The following KLHL2 variants were observed in gnomAD, a reference collection of about 807,000 sequenced individuals.
KLHL2 encodes the protein kelch-like protein 2.
In KLHL2, 15 loss-of-function variants were observed where a neutral mutation model predicts 75.8. The ratio of observed to expected loss-of-function variants is 0.20; its 90% CI spans 0.13 to 0.30. The LOEUF (loss-of-function observed/expected upper bound fraction) is 0.30. Ranked by LOEUF, KLHL2 falls within the 10% of genes least tolerant of loss-of-function variation. The pLI is 1.00. For synonymous variants in KLHL2, 214 were observed against 251.9 expected (o/e 0.85, Z 1.42); for missense variants, 381 against 741.0 (o/e 0.51, Z 5.64).
At chr4:165,308,732 A>G (rs765548036) in intron 9 of KLHL2, among the ~76,000 whole-genome samples, 3 of 152,234 alleles carry the variant, frequency 2.0e-5, no homozygotes, top group Non-Finnish European at 4.4e-5. Flanking sequence ...GCAATGGGCA[A>G]GATTCCCACA....
intron 9 of KLHL2, among the ~76,000 whole-genome samples, chr4:165,306,164 A>G (rs1018290257): frequency 2.0e-5 from 3 of 152,256 alleles, no homozygotes; most frequent in African/African-American, 2.4e-5. Flanking sequence ...AGCTGTGATC[A>G]AAAGAAGCAG....
In KLHL2 at chr4:165,311,472, T is replaced by A; in HGVS notation, c.1246T>A (p.Ser416Thr). 1 of 1,609,670 alleles carries A rather than the reference T, an allele frequency of 6.2e-7. No homozygotes were observed. Among genetic ancestry groups the A allele is most frequent in the Non-Finnish European group, 8.5e-7 (1 of 1,176,706 alleles). Residue 416 changes from serine (S) to threonine (T), a missense_variant, in exon 11 of 15, where the codon TCT becomes ACT. Coordinates refer to ENST00000226725, the MANE Select transcript of KLHL2 (RefSeq NM_007246.4). ...GGFDGSTGLS[S>T]VEAYNIKSNE... ...ATTGTGCTTTATTATAGGTTTGTCA[T>A]CTGTGGAAGCATACAACATAAAGTC...
At chr4:165,290,686 A>G (rs1744442833) in intron 5 of KLHL2, among the ~76,000 whole-genome samples, 1 of 152,188 alleles carries the variant, frequency 6.6e-6, no homozygotes, top group Non-Finnish European at 1.5e-5. Flanking sequence ...TCTATAATCC[A>G]GCTGGGTGTG....
Position 165,207,795 on chromosome 4 carries a change from C to A in KLHL2, c.-82C>A. The stretch of plus-strand genomic sequence containing the variant: ...GGCGGATGGAACGCGGCTCGGCGGG[C>A]GGGCAGTGCCGGCGTCCGCGGCTGG... On this transcript the variant is annotated 5_prime_UTR_variant, in exon 1 of 15. Transcript: ENST00000226725. The surrounding 1 kb of genome is among the most constrained non-coding windows in gnomAD (Gnocchi z 4.2). 1.6e-6 allele frequency: 2 copies of A among 1,242,898 alleles called. No homozygotes were observed. The highest frequency in any genetic ancestry group is 1.1e-6 in the Non-Finnish European group (1 of 932,414). The allele number at this position is 1,242,898 out of a possible 1,614,324, so 77.0% of individuals were successfully genotyped here.
At chr4:165,310,781 T>C in intron 10 of KLHL2, 31 bp downstream of exon 10, 2 of 1,532,352 alleles carry the variant, frequency 1.3e-6, no homozygotes, top group Non-Finnish European at 1.8e-6. Context: ...TCTACATTGC[T>C]GCTAAAATTA....
At chr4:165,312,421 A>ATT (rs1201686000) in intron 11 of KLHL2, among the ~76,000 whole-genome samples, 7 of 118,638 alleles carry the variant, frequency 5.9e-5, no homozygotes, top group Admixed American at 1.5e-4. Flanking sequence ...AAGTATTATT[A>ATT]TTATTATTTT....
chr4:165,321,393 T>A lies in KLHL2; in HGVS notation c.1754-639T>A. 3 of 422,110 alleles carry A rather than the reference T, an allele frequency of 7.1e-6. No individual in the cohort carries two copies. In the Middle Eastern group the frequency reaches 1.1e-3, roughly 148 times the overall value. 26.1% of individuals were successfully genotyped at this position (422,110 alleles called of 1,614,324 possible). A position where few individuals can be genotyped will look rare whatever the true frequency, so the allele number is the denominator to read the frequency against. On this transcript the variant is annotated intron_variant, in intron 14 of 14. Transcript: ENST00000226725. ...AATGAATAGTAAATATAGTTCCTCT[T>A]CCTTATGACTTTTTAAATAACATTT...
intron 2 of KLHL2, chr4:165,223,848 A>C (rs1464797338): frequency 6.7e-6 from 2 of 296,940 alleles, no homozygotes; most frequent in Admixed American, 9.5e-5. Context: ...CAGAATGCTT[A>C]TAATGTGCAA....
intron 3 of KLHL2, among the ~76,000 whole-genome samples, chr4:165,231,211 T>C (rs964681876): frequency 6.6e-6 from 1 of 152,178 alleles, no homozygotes; most frequent in African/African-American, 2.4e-5. Context: ...TCCAGCACTT[T>C]AGGAGGCTGA....
intron 5 of KLHL2, chr4:165,278,255 C>G (rs757569044): frequency 9.0e-6 from 10 of 1,105,894 alleles, no homozygotes; most frequent in Non-Finnish European, 1.4e-5. Flanking sequence ...TTCTGCAGCC[C>G]CTGCCGCCAT....
intron 4 of KLHL2, among the ~76,000 whole-genome samples, chr4:165,255,831 C>T (rs1459257557): frequency 6.6e-6 from 1 of 152,120 alleles, no homozygotes; most frequent in African/African-American, 2.4e-5. Flanking sequence ...CAAAAGCTGT[C>T]TTTTCATGCT....
chr4:165,222,543 G>C (rs1738081719), intron 2 of KLHL2, among the ~76,000 whole-genome samples: 1 of 152,084 alleles, frequency 6.6e-6, no homozygotes, highest in Non-Finnish European at 1.5e-5. Flanking sequence ...TTGGCTGCCA[G>C]GTCTATAACC....
chr4:165,258,746 T>C (rs1020884287), intron 4 of KLHL2, among the ~76,000 whole-genome samples: 1 of 152,234 alleles, frequency 6.6e-6, no homozygotes, highest in African/African-American at 2.4e-5. Flanking sequence ...TCTACTTCAG[T>C]AGAAAGTAAG....
chr4:165,290,462 C>A (rs1404780940), intron 5 of KLHL2, among the ~76,000 whole-genome samples: 2 of 152,006 alleles, frequency 1.3e-5, no homozygotes, highest in Non-Finnish European at 2.9e-5. Flanking sequence ...TATAAAGAAC[C>A]TTGTTTTTTG....
At chr4:165,225,301 A>G (rs761126848) in intron 2 of KLHL2, among the ~76,000 whole-genome samples, 42 of 152,308 alleles carry the variant, frequency 2.8e-4, no homozygotes, top group Admixed American at 4.6e-4. Flanking sequence ...CCCATCTTAA[A>G]GTCATGGGTT....
At chr4:165,297,974 C>A in intron 7 of KLHL2, among the ~76,000 whole-genome samples, 1 of 140,592 alleles carries the variant, frequency 7.1e-6, no homozygotes, top group Non-Finnish European at 1.7e-5. Context: ...CAGGTGCATG[C>A]TACAACCCCA....
At chr4:165,291,097 T>C (rs1744471235) in intron 5 of KLHL2, among the ~76,000 whole-genome samples, 1 of 152,250 alleles carries the variant, frequency 6.6e-6, no homozygotes, top group African/African-American at 2.4e-5. Flanking sequence ...TGAGCATCTT[T>C]CCATGTGCTT....
intron 1 of KLHL2, among the ~76,000 whole-genome samples, chr4:165,212,906 G>T (rs1737293570): frequency 6.6e-6 from 1 of 152,162 alleles, no homozygotes; most frequent in Admixed American, 6.5e-5. Context: ...TATATCTTAA[G>T]TCGGGGCTCT....
chr4:165,266,435 G>A (rs1283548070), intron 5 of KLHL2, among the ~76,000 whole-genome samples: 3 of 151,208 alleles, frequency 2.0e-5, no homozygotes, highest in South Asian at 4.2e-4. Flanking sequence ...GTTTTCTTCT[G>A]GGGTTTTTAT....
Sources: gnomAD v4.1 joint callset for allele counts (sites outside exome capture counted in the v4.1 genomes callset) on GRCh38, gnomAD v4.1.1 for gene constraint, Gnocchi (gnomAD v3.1) non-coding constraint, MANE v1.5 for transcripts, NCBI Gene and HGNC (gene_info 2026-07-23, HGNC 2026-07-21) for gene names.